Variants in RIMBP2 observed in about 807,000 individuals in gnomAD.
RIMBP2 encodes RIMS-binding protein 2.
A neutral mutation model predicts 118.6 loss-of-function variants in RIMBP2; 48 were observed. That is an observed-to-expected ratio of 0.40 (90% CI 0.32 to 0.51). RIMBP2 has a LOEUF of 0.51. RIMBP2 is among the 20% of genes least tolerant of loss of function. RIMBP2 has a pLI of 0.41. For synonymous variants in RIMBP2, 762 were observed against 742.9 expected, an observed-to-expected ratio of 1.03 and a Z score of -0.42; for missense variants, 1,551 against 1,768.3, an observed-to-expected ratio of 0.88 and a Z score of 2.20.
intron 6 of RIMBP2, among the ~76,000 whole-genome samples, chr12:130,467,996 G>A (rs1418143818): frequency 6.6e-6 from 1 of 152,168 alleles, no homozygotes; most frequent in East Asian, 1.9e-4. Flanking sequence ...ATTGTATCTG[G>A]CTGAGCATGG....
chr12:130,493,503 C>T (rs979326370), intron 4 of RIMBP2, among the ~76,000 whole-genome samples: 3 of 152,038 alleles, frequency 2.0e-5, no homozygotes, highest in African/African-American at 4.8e-5. Flanking sequence ...TTAGTAGAGA[C>T]GGGGTTTCAG....
At chr12:130,661,584 T>C (rs2136348350) in intron 1 of RIMBP2, among the ~76,000 whole-genome samples, 1 of 152,264 alleles carries the variant, frequency 6.6e-6, no homozygotes, top group African/African-American at 2.4e-5. Flanking sequence ...AAATCTGCAG[T>C]GCTGTGGTGT....
At chr12:130,697,890 G>A (rs74207455) in intron 1 of RIMBP2, among the ~76,000 whole-genome samples, 4 of 152,222 alleles carry the variant, frequency 2.6e-5, no homozygotes, top group African/African-American at 4.8e-5. Flanking sequence ...GCTCCATTTG[G>A]GATGCACTGA....
intron 9 of RIMBP2, among the ~76,000 whole-genome samples, chr12:130,448,680 A>C (rs1164553175): frequency 6.6e-6 from 1 of 152,218 alleles, no homozygotes; most frequent in Non-Finnish European, 1.5e-5. Flanking sequence ...ATAGCCTCTC[A>C]GCGCTGTGAT....
chr12:130,549,932 T>C (rs1264832511), intron 2 of RIMBP2, among the ~76,000 whole-genome samples: 1 of 152,148 alleles, frequency 6.6e-6, no homozygotes, highest in Non-Finnish European at 1.5e-5. Context: ...GGAGTCGCCA[T>C]ACTGCTCTCT....
chr12:130,440,056 C>T (rs1414267651), intron 11 of RIMBP2, among the ~76,000 whole-genome samples: 3 of 151,820 alleles, frequency 2.0e-5, no homozygotes, highest in Admixed American at 6.6e-5. Flanking sequence ...CCTTGCACCA[C>T]CATCCCCGGG....
intron 2 of RIMBP2, among the ~76,000 whole-genome samples, chr12:130,545,106 C>G (rs1329297145): frequency 6.6e-6 from 1 of 152,118 alleles, no homozygotes; most frequent in Non-Finnish European, 1.5e-5. Flanking sequence ...TATCTGGGGA[C>G]TAAATTGTAC....
chr12:130,608,887 CCTGT>C (rs2060340803), intron 2 of RIMBP2, among the ~76,000 whole-genome samples: 1 of 152,150 alleles, frequency 6.6e-6, no homozygotes, highest in African/African-American at 2.4e-5. Context: ...AATGCACCCT[CCTGT>C]CTAACTGTAA....
At position 130,612,435 on chromosome 12, in the gene RIMBP2, G is replaced by A. The variant is rs144790094; in HGVS notation, c.-217+15887C>T. Among the ~76,000 whole-genome samples the A allele has an allele frequency of 6.1e-3, 931 of 152,236 alleles. 8 individuals carry two copies. Among genetic ancestry groups the A allele is most frequent in the African/African-American group, 0.021 (888 of 41,556 alleles). ...CCATGCGTGAGCTGCTCTGCTGTGCGCAAAGCCCAATCCAGACAAAGTTTG... is the reference window on the plus strand; with the variant it reads ...CCATGCGTGAGCTGCTCTGCTGTGCACAAAGCCCAATCCAGACAAAGTTTG... On this transcript the variant is annotated intron_variant, in intron 2 of 22. Transcript: ENST00000690449.
At chr12:130,500,253 T>C (rs1194898868) in intron 4 of RIMBP2, among the ~76,000 whole-genome samples, 1 of 151,966 alleles carries the variant, frequency 6.6e-6, no homozygotes, top group Non-Finnish European at 1.5e-5. Flanking sequence ...AGGTCAGGAG[T>C]TCGAGACCAG....
At chr12:130,597,827 C>T (rs143628580) in intron 2 of RIMBP2, among the ~76,000 whole-genome samples, 26 of 152,270 alleles carry the variant, frequency 1.7e-4, no homozygotes, top group Non-Finnish European at 1.3e-4. Context: ...AGATTGGACA[C>T]GAGACAAGGA....
chr12:130,497,926 G>A (rs1036265681), intron 4 of RIMBP2, among the ~76,000 whole-genome samples: 2 of 152,182 alleles, frequency 1.3e-5, no homozygotes, highest in African/African-American at 4.8e-5. Flanking sequence ...CCTGGGCTGA[G>A]GAGATGCCGG....
rs957344267 is a variant in RIMBP2, at chr12:130,451,074, A to G, written c.504+121T>C. Reference sequence around the variant, plus strand: ...GGAATTAACAGGGGCAAAGGGAAGAACCAACCAGAAGGAAGACAGGGAGGA... The same window carrying G: ...GGAATTAACAGGGGCAAAGGGAAGAGCCAACCAGAAGGAAGACAGGGAGGA... On this transcript the variant is annotated intron_variant, in intron 8 of 22. Transcript: ENST00000690449. 3.3e-6 allele frequency: 4 copies of G among 1,216,532 alleles called. 1 individual carries two copies. The Middle Eastern group carries it at 6.1e-4, about 185-fold the overall frequency. The allele number at this position is 1,216,532 out of a possible 1,614,324, so 75.4% of individuals were successfully genotyped here. A position where few individuals can be genotyped will look rare whatever the true frequency, so the allele number is the denominator to read the frequency against.
intron 1 of RIMBP2, among the ~76,000 whole-genome samples, chr12:130,678,631 C>T (rs549515911): frequency 1.3e-5 from 2 of 152,324 alleles, no homozygotes; most frequent in Admixed American, 1.3e-4. Flanking sequence ...GACTCTCCTG[C>T]CTCAGCCTCC....
intron 2 of RIMBP2, among the ~76,000 whole-genome samples, chr12:130,532,850 G>A (rs1293948361): frequency 2.6e-5 from 4 of 151,278 alleles, no homozygotes; most frequent in Non-Finnish European, 4.4e-5. Flanking sequence ...CGTGTGTTTA[G>A]CCTCTAGGAG....
intron 5 of RIMBP2, among the ~76,000 whole-genome samples, chr12:130,477,166 T>A (rs2081504148): frequency 6.6e-6 from 1 of 152,158 alleles, no homozygotes; most frequent in South Asian, 2.1e-4. Context: ...TGCGGGGGGA[T>A]AAAGAACGCC....
At chr12:130,643,834 A>T (rs967560665) in intron 1 of RIMBP2, among the ~76,000 whole-genome samples, 2 of 152,314 alleles carry the variant, frequency 1.3e-5, no homozygotes, top group African/African-American at 4.8e-5. Flanking sequence ...TCAGCTCATG[A>T]GAGTGAAAGA....
chr12:130,591,402 C>T (rs1273314026), intron 2 of RIMBP2, among the ~76,000 whole-genome samples: 2 of 152,232 alleles, frequency 1.3e-5, no homozygotes, highest in Non-Finnish European at 2.9e-5. Flanking sequence ...GAAGGGTCGC[C>T]TGGGTGTTGA....
At chr12:130,528,676 C>T (rs1210102651) in intron 2 of RIMBP2, among the ~76,000 whole-genome samples, 1 of 152,172 alleles carries the variant, frequency 6.6e-6, no homozygotes, top group African/African-American at 2.4e-5. Context: ...ACTCTGACTT[C>T]CAAGTGGAAA....
Sources: gnomAD v4.1 joint callset for allele counts (sites outside exome capture counted in the v4.1 genomes callset) on GRCh38, gnomAD v4.1.1 for gene constraint, MANE v1.5 for transcripts, NCBI Gene and HGNC (gene_info 2026-07-23, HGNC 2026-07-21) for gene names.